KLHDC4: variants seen among roughly 807,000 people sequenced by gnomAD.
KLHDC4 encodes the protein kelch domain-containing protein 4.
Under a neutral mutation model 62.4 loss-of-function variants are expected in KLHDC4, and 90 were observed. The ratio of observed to expected loss-of-function variants is 1.44; its 90% confidence interval spans 1.22 to 1.72. The LOEUF (loss-of-function observed/expected upper bound fraction) is 1.72. KLHDC4 is among the 40% of genes most tolerant of loss of function. KLHDC4 has a pLI of 0.00. For missense variants in KLHDC4, 1,025 were observed against 699.7 expected (o/e 1.47, Z -5.25); for synonymous variants, 386 against 284.4 (o/e 1.36, Z -3.59).
At chr16:87,719,500 A>T (rs1231547190) in intron 7 of KLHDC4, among the ~76,000 whole-genome samples, 1 of 152,118 alleles carries the variant, frequency 6.6e-6, no homozygotes, top group Non-Finnish European at 1.5e-5. Context: ...ACCACTCCCT[A>T]ATCTCAACTA....
intron 9 of KLHDC4, chr16:87,710,856 C>G (rs576621907): frequency 5.2e-6 from 1 of 193,534 alleles, no homozygotes; most frequent in East Asian, 1.2e-4. Context: ...TGGACAGCAG[C>G]TATGCTCACG....
rs777460745 is a variant in KLHDC4, at chr16:87,755,274, G to C, written c.289C>G (p.Leu97Val). The C allele has an allele frequency of 1.2e-6, 2 of 1,601,144 alleles. No individual in the cohort carries two copies. The highest frequency in any genetic ancestry group is 1.7e-6 in the Non-Finnish European group (2 of 1,168,722). ...TCCTTTCTGGTATTGTAGACATAGA[G>C]CTCGTTATACAAAAAAGTCTACAGG... ...NGQKTFLYNE[L>V]YVYNTRKDTW... is the part of the protein sequence containing the mutation. Residue 97 changes from leucine (L) to valine (V), a missense_variant, in exon 4 of 12, where the codon CTC (leucine) becomes GTC (valine). Transcript: ENST00000270583.
exon 1 of KLHDC4, chr16:87,699,515 G>GA (rs1567625999): frequency 6.6e-6 from 1 of 152,110 alleles, no homozygotes; most frequent in African/African-American, 2.4e-5. Context: ...CCAACATAGT[G>GA]AAACCCCATC....
At chr16:87,748,274 A>G (rs750507286) in intron 5 of KLHDC4, among the ~76,000 whole-genome samples, 14 of 152,214 alleles carry the variant, frequency 9.2e-5, no homozygotes, top group Non-Finnish European at 1.6e-4. Flanking sequence ...CGGTTTCTAC[A>G]CCAACTCGAC....
At chr16:87,706,665 G>A (rs781667549), downstream of KLHDC4, among the ~76,000 whole-genome samples, 11 of 152,224 alleles carry the variant, frequency 7.2e-5, no homozygotes, top group Non-Finnish European at 1.0e-4. Flanking sequence ...AGTGGGCGGG[G>A]CCCTTGGGGC....
At chr16:87,741,126 C>G (rs995165186) in intron 5 of KLHDC4, among the ~76,000 whole-genome samples, 2 of 152,192 alleles carry the variant, frequency 1.3e-5, no homozygotes, top group African/African-American at 4.8e-5. Context: ...GGGACTGTTA[C>G]AAAGTATCCA....
intron 1 of KLHDC4, among the ~76,000 whole-genome samples, chr16:87,762,552 T>C (rs1374049384): frequency 6.6e-6 from 1 of 152,222 alleles, no homozygotes; most frequent in Non-Finnish European, 1.5e-5. Flanking sequence ...CTCTTGCTTA[T>C]TTGTTTCCTC....
At chr16:87,735,259 C>T (rs1163078285) in intron 5 of KLHDC4, among the ~76,000 whole-genome samples, 1 of 149,784 alleles carries the variant, frequency 6.7e-6, no homozygotes, top group African/African-American at 2.5e-5. Flanking sequence ...GAGATCGCAC[C>T]ACTGCACTCC....
chr16:87,723,583 G>A (rs1185539141), intron 7 of KLHDC4, among the ~76,000 whole-genome samples: 1 of 152,230 alleles, frequency 6.6e-6, no homozygotes, highest in African/African-American at 2.4e-5. Context: ...AGACAAGCCT[G>A]ACCGATGCCA....
intron 2 of KLHDC4, among the ~76,000 whole-genome samples, chr16:87,758,948 G>A (rs2045440872): frequency 6.6e-6 from 1 of 152,174 alleles, no homozygotes; most frequent in South Asian, 2.1e-4. Context: ...GGCCGAGGCG[G>A]GCGGATCACC....
chr16:87,721,680 G>C (rs974315842), intron 7 of KLHDC4, among the ~76,000 whole-genome samples: 3 of 152,200 alleles, frequency 2.0e-5, no homozygotes, highest in African/African-American at 7.2e-5. Flanking sequence ...TGGTATTCCA[G>C]GAGCTCAGCT....
At chr16:87,746,418 A>C (rs1000156403) in intron 5 of KLHDC4, among the ~76,000 whole-genome samples, 2 of 152,100 alleles carry the variant, frequency 1.3e-5, no homozygotes, top group African/African-American at 4.8e-5. Context: ...TGAGAGAAAG[A>C]TTAAGCGCAC....
chr16:87,714,299 G>A (rs1478237500), intron 8 of KLHDC4, 199 bp downstream of exon 8: 1 of 797,478 alleles, frequency 1.3e-6, no homozygotes, highest in Non-Finnish European at 1.5e-6. Flanking sequence ...TGCCCCCAAA[G>A]GTGATTGCCC....
chr16:87,743,772 T>C (rs1455269357), intron 5 of KLHDC4, among the ~76,000 whole-genome samples: 1 of 151,814 alleles, frequency 6.6e-6, no homozygotes, highest in Non-Finnish European at 1.5e-5. Context: ...AATAAATAAA[T>C]AAATAAACCT....
intron 5 of KLHDC4, among the ~76,000 whole-genome samples, chr16:87,745,840 G>C (rs1204211937): frequency 6.6e-6 from 1 of 152,176 alleles, no homozygotes; most frequent in Admixed American, 6.5e-5. Context: ...ATCTCCTGCA[G>C]ACCATTTGTC....
At chr16:87,706,148 G>A (rs1365249018), downstream of KLHDC4, among the ~76,000 whole-genome samples, 2 of 140,602 alleles carry the variant, frequency 1.4e-5, no homozygotes, top group Non-Finnish European at 3.1e-5. Context: ...CTCGCGGGGG[G>A]GTCAGCGTAA....
At chr16:87,702,365 A>AG (rs1223765863) in intron 13 of KLHDC4, 4 of 439,540 alleles carry the variant, frequency 9.1e-6, no homozygotes, top group Admixed American at 2.4e-5. Flanking sequence ...GTGCAGGGGC[A>AG]GGGGGGCGGG....
At chr16:87,743,304 C>T (rs1367523903) in intron 5 of KLHDC4, among the ~76,000 whole-genome samples, 6 of 152,080 alleles carry the variant, frequency 3.9e-5, no homozygotes, top group African/African-American at 9.7e-5. Context: ...TATGTTGTCC[C>T]GGCTGGTCTC....
rs150687605 is a variant in KLHDC4 at position 87,711,274 on chromosome 16, G to A, written c.1005C>T (p.Tyr335=). The A allele has an allele frequency of 8.7e-6, 14 of 1,614,136 alleles. No individual in the cohort carries two copies. Among genetic ancestry groups the A allele is most frequent in the Middle Eastern group, 1.6e-4 (1 of 6,062 alleles). ...SGEFFNDLYF[Y]DATRNRWFEG... is the part of the protein sequence containing the mutation. Reference sequence around the variant, plus strand: ...CAAACCAACGGTTCCTGGTGGCGTCGTAGAAGTACAGATCGTTGAAGAACT... The same window carrying A: ...CAAACCAACGGTTCCTGGTGGCGTCATAGAAGTACAGATCGTTGAAGAACT... The change falls in exon 9 of 12, where the codon TAC becomes TAT. Residue 335 remains tyrosine (Y), a synonymous_variant. Transcript: ENST00000270583.
Sources: gnomAD v4.1 joint callset for allele counts (sites outside exome capture counted in the v4.1 genomes callset) on GRCh38, gnomAD v4.1.1 for gene constraint, MANE v1.5 for transcripts, NCBI Gene and HGNC (gene_info 2026-07-23, HGNC 2026-07-21) for gene names.